Variants in TOP3A observed in about 807,000 individuals in gnomAD.
The protein encoded by TOP3A is DNA topoisomerase 3-alpha.
In TOP3A, 64 loss-of-function variants were observed where a neutral mutation model predicts 111.3. The ratio of observed to expected loss-of-function variants is 0.57; its 90% CI spans 0.47 to 0.71. The LOEUF (loss-of-function observed/expected upper bound fraction) is 0.71. TOP3A is among the 30% of genes least tolerant of loss of function. The pLI is 0.00. For synonymous variants in TOP3A, 484 were observed against 485.1 expected, an observed-to-expected ratio of 1.00 and a Z score of 0.03; for missense variants, 1,104 against 1,285.0, an observed-to-expected ratio of 0.86 and a Z score of 2.15.
chr17:18,279,346 TC>T (rs1334816876), intron 17 of TOP3A, among the ~76,000 whole-genome samples: 3 of 152,032 alleles, frequency 2.0e-5, no homozygotes, highest in Non-Finnish European at 4.4e-5. Flanking sequence ...AAGTTCTGCC[TC>T]CTGGGTTCAC....
intron 13 of TOP3A, among the ~76,000 whole-genome samples, chr17:18,288,888 C>T (rs1221276309): frequency 1.3e-5 from 2 of 152,228 alleles, no homozygotes; most frequent in Non-Finnish European, 2.9e-5. Context: ...CTCCTTGTGT[C>T]CCTGGTGCTT....
rs1164466408 is a variant in TOP3A, at chr17:18,296,815, A to G, written c.991-2030T>C. ...TGCTAAGTGGTGACTGAGAAGGCAT[A>G]CTCCTAATGTGATTTACTCAGACTT... is the stretch of plus-strand genomic sequence containing the variant. On this transcript the variant is annotated intron_variant, in intron 9 of 18. Coordinates refer to ENST00000321105, the MANE Select transcript of TOP3A (RefSeq NM_004618.5). Among the ~76,000 whole-genome samples the G allele has an allele frequency of 2.0e-5, 3 of 151,928 alleles. No individual in the cohort carries two copies. In the East Asian group the frequency reaches 5.8e-4, roughly 29 times the overall value.
chr17:18,293,817 G>A (rs1010007016), intron 10 of TOP3A, among the ~76,000 whole-genome samples: 2 of 151,778 alleles, frequency 1.3e-5, no homozygotes, highest in Admixed American at 6.6e-5. Context: ...GGCTGGTCTC[G>A]AACTCCTGAC....
In TOP3A at chr17:18,285,498, C is replaced by T. The variant is rs750117297; in HGVS notation, c.1620G>A (p.Glu540=). 1.9e-6 allele frequency: 3 copies of T among 1,613,962 alleles called. No homozygotes were observed. The highest frequency in any genetic ancestry group is 2.2e-5 in the South Asian group (2 of 91,078). Residue 540 remains glutamate, a synonymous_variant, in exon 14 of 19, where the codon GAG becomes GAA. Coordinates refer to ENST00000321105, the MANE Select transcript of TOP3A (RefSeq NM_004618.5). The stretch of plus-strand genomic sequence containing the variant: ...TCCGGGCTTTGATGGTCTCGATGTG[C>T]TCCGCATGAGTGGCATCCGTACCTG... ...HGIGTDATHA[E]HIETIKARMY... is the part of the protein sequence containing the mutation.
At position 18,306,830 on chromosome 17, in the gene TOP3A, A is replaced by G; in HGVS notation, c.390+61T>C. Reference sequence around the variant, plus strand: ...AAATGCCAATGCATTAAAAACAAAGAAATCACTCTGTTTGACTCTGTGGTT... The same window carrying G: ...AAATGCCAATGCATTAAAAACAAAGGAATCACTCTGTTTGACTCTGTGGTT... On this transcript the variant is annotated intron_variant, in intron 4 of 18. Transcript: ENST00000321105. The G allele has an allele frequency of 5.3e-6, 6 of 1,131,780 alleles. No individual in the cohort carries two copies. The South Asian group carries it at 7.8e-5, about 15-fold the overall frequency. 70.1% of individuals were successfully genotyped at this position (1,131,780 alleles called of 1,614,324 possible). A position where few individuals can be genotyped will look rare whatever the true frequency, so the allele number is the denominator to read the frequency against.
chr17:18,294,878 G>T, intron 9 of TOP3A, 93 bp from the exon 10 acceptor site: 2 of 833,284 alleles, frequency 2.4e-6, no homozygotes, highest in Non-Finnish European at 4.0e-6. Flanking sequence ...AATCTGGCCC[G>T]TGTCACTCCA....
chr17:18,307,725 C>T (rs1203443843), intron 3 of TOP3A, among the ~76,000 whole-genome samples: 3 of 151,940 alleles, frequency 2.0e-5, no homozygotes, highest in African/African-American at 7.3e-5. Flanking sequence ...GCCTGGGCAA[C>T]AGGGTGAAAC....
intron 17 of TOP3A, among the ~76,000 whole-genome samples, chr17:18,279,861 T>C (rs932224610): frequency 3.3e-5 from 5 of 152,016 alleles, no homozygotes; most frequent in Admixed American, 2.0e-4. Flanking sequence ...TAATTTAAAA[T>C]TTTTTTTGGC....
intron 11 of TOP3A, 35 bp from the exon 12 acceptor site, chr17:18,291,062 G>A (rs1232402011): frequency 6.3e-7 from 1 of 1,599,970 alleles, no homozygotes; most frequent in Non-Finnish European, 8.5e-7. Flanking sequence ...ACTCCCCCTA[G>A]AATATCACCT....
At chr17:18,303,896 C>A (rs1221586110) in intron 5 of TOP3A, among the ~76,000 whole-genome samples, 1 of 152,188 alleles carries the variant, frequency 6.6e-6, no homozygotes, top group Non-Finnish European at 1.5e-5. Flanking sequence ...CTCGTCTCCA[C>A]CTTGTGAGAA....
At chr17:18,303,821 C>G (rs1351859863) in intron 5 of TOP3A, among the ~76,000 whole-genome samples, 2 of 151,514 alleles carry the variant, frequency 1.3e-5, no homozygotes, top group African/African-American at 2.4e-5. Flanking sequence ...TTGCTGAGCG[C>G]CGGTCCCCTG....
rs1350241696 is a variant in TOP3A, at chr17:18,271,480, A to G, written c.*3322T>C. 1 of 163,174 alleles carries G rather than the reference A, an allele frequency of 6.1e-6. No individual in the cohort carries two copies. Among genetic ancestry groups the G allele is most frequent in the African/African-American group, 2.4e-5 (1 of 41,478 alleles). The allele number at this position is 163,174 out of a possible 1,614,324, so 10.1% of individuals were successfully genotyped here. On this transcript the variant is annotated 3_prime_UTR_variant, in exon 19 of 19. Coordinates refer to ENST00000321105, the MANE Select transcript of TOP3A (RefSeq NM_004618.5). ...TCGTGCCTGACCGTAAGCCTTCACT[A>G]GAGAGCCTCAATATGAACAAGGACA...
At chr17:18,298,317 G>A (rs1266250898) in intron 9 of TOP3A, among the ~76,000 whole-genome samples, 5 of 150,364 alleles carry the variant, frequency 3.3e-5, no homozygotes, top group Admixed American at 6.6e-5. Flanking sequence ...CAGCCACCTC[G>A]TCCGGCAGGG....
Position 18,301,872 on chromosome 17 carries a change from T to C in TOP3A, c.915+13A>G, listed in dbSNP as rs759128635. On this transcript the variant is annotated intron_variant, in intron 8 of 18. Transcript: ENST00000321105. ...GTGTGCAGAATGTTTCCTAGATCAT[T>C]AGGGGTTCTTACCTCCACACACAAC... The C allele has an allele frequency of 5.5e-5, 89 of 1,609,404 alleles. No homozygotes were observed. In the South Asian group the frequency reaches 8.5e-4, roughly 15 times the overall value.
chr17:18,278,041 G>C lies in TOP3A; in HGVS notation c.2461C>G (p.Leu821Val). 1 of 1,614,214 alleles carries C rather than the reference G, an allele frequency of 6.2e-7. No individual in the cohort carries two copies. Among genetic ancestry groups the C allele is most frequent in the Non-Finnish European group, 8.5e-7 (1 of 1,180,052 alleles). Residue 821 changes from leucine to valine, a missense_variant, in exon 18 of 19, where the codon CTG becomes GTG. Coordinates refer to ENST00000321105, the MANE Select transcript of TOP3A (RefSeq NM_004618.5). ...GGGCCCTCCTTACGGACAGTGAGCAGCACAGCCTCCTGGCCACAGTTGCAG... is the reference window on the plus strand; with the variant it reads ...GGGCCCTCCTTACGGACAGTGAGCACCACAGCCTCCTGGCCACAGTTGCAG... Reference protein sequence around the residue: ...VTCNCGQEAVLLTVRKEGPNR... With the variant: ...VTCNCGQEAVVLTVRKEGPNR...
Position 18,271,858 on chromosome 17 carries a change from T to C in TOP3A, c.*2944A>G. On this transcript the variant is annotated 3_prime_UTR_variant, in exon 19 of 19. Transcript: ENST00000321105. ...CTGGTAGATCACCTGAGGTCACGAG[T>C]TTGAGACCAGCCTGGCCAACATGGT... 2 of 397,286 alleles carry C rather than the reference T, an allele frequency of 5.0e-6. No individual in the cohort carries two copies. Among genetic ancestry groups the C allele is most frequent in the Non-Finnish European group, 1.0e-5 (2 of 200,116 alleles). The allele number at this position is 397,286 out of a possible 1,614,324, so 24.6% of individuals were successfully genotyped here. A position where few individuals can be genotyped will look rare whatever the true frequency, so the allele number is the denominator to read the frequency against.
Position 18,272,905 on chromosome 17 carries a change from T to G in TOP3A, c.*1897A>C, listed in dbSNP as rs774071177. On this transcript the variant is annotated 3_prime_UTR_variant, in exon 19 of 19. Transcript: ENST00000321105. The stretch of plus-strand genomic sequence containing the variant: ...CCTGACCTCAGGTGATCTGCCCACC[T>G]TGGCCTCCCAAAGTGCTAGGATTAC... 1.3e-5 allele frequency: 2 copies of G among 152,222 alleles called. No individual in the cohort carries two copies. Among genetic ancestry groups the G allele is most frequent in the Non-Finnish European group, 2.9e-5 (2 of 68,056 alleles). The allele number at this position is 152,222 out of a possible 1,614,324, so 9.4% of individuals were successfully genotyped here.
intron 4 of TOP3A, 33 bp from the exon 5 acceptor site, chr17:18,305,253 A>C (rs764913292): frequency 1.3e-6 from 2 of 1,530,740 alleles, no homozygotes; most frequent in Non-Finnish European, 1.8e-6. Flanking sequence ...AGTGGTGAGA[A>C]CAGAATTGCA....
chr17:18,283,511 T>C (rs557771471), intron 15 of TOP3A, among the ~76,000 whole-genome samples: 1 of 152,298 alleles, frequency 6.6e-6, no homozygotes, highest in East Asian at 1.9e-4. Context: ...AACTGTTATC[T>C]TCTATTACAG....
Sources: allele counts gnomAD v4.1 joint callset (sites outside exome capture counted in the v4.1 genomes callset), GRCh38; gene constraint gnomAD v4.1.1; transcripts MANE v1.5; gene names NCBI Gene and HGNC (gene_info 2026-07-23, HGNC 2026-07-21).